DMD: variants seen among roughly 807,000 people sequenced by gnomAD.
DMD encodes the protein dystrophin.
Under a neutral mutation model 330.1 loss-of-function variants are expected in DMD, and 63 were observed. The ratio of observed to expected loss-of-function variants is 0.19; its 90% CI spans 0.16 to 0.24. The LOEUF is 0.24. Ranked by LOEUF, DMD falls within the 10% of genes least tolerant of loss-of-function variation. The pLI is 1.00. For synonymous variants in DMD, 1,223 were observed against 959.8 expected, an observed-to-expected ratio of 1.27 and a Z score of -5.07; for missense variants, 3,344 against 2,684.1, an observed-to-expected ratio of 1.25 and a Z score of -5.43.
chrX:33,087,198 TG>T (rs2095021105), intron 1 of DMD, among the ~76,000 whole-genome samples: 2 of 111,920 alleles, frequency 1.8e-5, no homozygotes, highest in Non-Finnish European at 3.8e-5. Flanking sequence ...AGGATTCCTG[TG>T]TAATTGCTAA....
intron 1 of DMD, among the ~76,000 whole-genome samples, chrX:33,024,361 TAA>T (rs1016529269): frequency 1.8e-5 from 2 of 112,303 alleles, no homozygotes; most frequent in African/African-American, 6.5e-5. Context: ...TGCATATTAA[TAA>T]GAGAGGCAAA....
intron 11 of DMD, among the ~76,000 whole-genome samples, chrX:32,628,399 A>C (rs1448858756): frequency 1.0e-5 from 1 of 100,486 alleles, no homozygotes; most frequent in Non-Finnish European, 2.0e-5. Context: ...GTTGTAAGTG[A>C]CTGGATCTCA....
intron 1 of DMD, among the ~76,000 whole-genome samples, chrX:33,319,063 C>T (rs935000022): frequency 1.8e-5 from 2 of 108,599 alleles, no homozygotes; most frequent in Non-Finnish European, 3.8e-5. Flanking sequence ...AGAGCCAGCT[C>T]GCCTCTTCAT....
chrX:32,056,395 A>G (rs1474063638), intron 44 of DMD, among the ~76,000 whole-genome samples: 3 of 107,618 alleles, frequency 2.8e-5, no homozygotes, highest in Non-Finnish European at 5.8e-5. Context: ...TTAAGTAAAA[A>G]AAAAAAAAAA....
chrX:31,258,645 C>A (rs917234416), intron 63 of DMD, among the ~76,000 whole-genome samples: 1 of 111,779 alleles, frequency 8.9e-6, no homozygotes, highest in African/African-American at 3.3e-5. Context: ...AAATCCCCTG[C>A]AACTGTAAAA....
intron 41 of DMD, among the ~76,000 whole-genome samples, chrX:32,313,193 T>C (rs899322851): frequency 9.1e-6 from 1 of 110,434 alleles, no homozygotes; most frequent in African/African-American, 3.3e-5. Flanking sequence ...TTAAAAAGCA[T>C]ATCCATCACA....
chrX:32,914,844 G>T (rs1231293685), intron 2 of DMD, among the ~76,000 whole-genome samples: 1 of 111,874 alleles, frequency 8.9e-6, no homozygotes, highest in Non-Finnish European at 1.9e-5. Flanking sequence ...GTGTCATACA[G>T]TAAATATTTT....
rs139603242 is a variant in DMD at position 31,640,929 on chromosome X, C to T, written c.8028-13067G>A. Among the ~76,000 whole-genome samples, 984 of 111,802 alleles carry T rather than the reference C, an allele frequency of 8.8e-3. 4 individuals are homozygous for T. The highest frequency in any genetic ancestry group is 0.013 in the Non-Finnish European group (685 of 53,181). On this transcript the variant is annotated intron_variant, in intron 54 of 78. Transcript: ENST00000357033. ...TTGCTCAGATAACAGTGTCCTTATG[C>T]GCTGTCTTCTAAGCGGATGACAGTG...
intron 54 of DMD, among the ~76,000 whole-genome samples, chrX:31,634,756 T>G (rs909526767): frequency 1.8e-5 from 2 of 111,278 alleles, no homozygotes; most frequent in Admixed American, 1.9e-4. Context: ...AGTACTTTCC[T>G]GAAAAGACCT....
At chrX:32,101,840 G>T (rs2096541136) in intron 44 of DMD, among the ~76,000 whole-genome samples, 2 of 111,285 alleles carry the variant, frequency 1.8e-5, no homozygotes, top group South Asian at 7.6e-4. Context: ...CCGGGAGATT[G>T]TGCCTTTAAG....
At chrX:31,334,923 T>C (rs2057340214) in intron 61 of DMD, among the ~76,000 whole-genome samples, 1 of 111,737 alleles carries the variant, frequency 8.9e-6, no homozygotes, top group Non-Finnish European at 1.9e-5. Context: ...TTACTTTTAC[T>C]GTTTCCTCCA....
intron 2 of DMD, among the ~76,000 whole-genome samples, chrX:33,000,654 G>A (rs780513785): frequency 2.8e-4 from 31 of 112,155 alleles, no homozygotes; most frequent in African/African-American, 9.4e-4. Flanking sequence ...TGCTGGAAGT[G>A]TAAAATTCAC....
intron 2 of DMD, chrX:32,960,277 C>T (rs1264936034): frequency 1.8e-5 from 2 of 111,222 alleles, no homozygotes; most frequent in East Asian, 2.8e-4. Flanking sequence ...AGACGCTCCC[C>T]TTGACCAAAC....
At chrX:32,575,370 T>C (rs1287732689) in intron 13 of DMD, among the ~76,000 whole-genome samples, 1 of 112,549 alleles carries the variant, frequency 8.9e-6, no homozygotes, top group African/African-American at 3.2e-5. Context: ...AGTTTTCAGT[T>C]TTTCTTCATA....
chrX:31,991,800 T>C (rs988315942), intron 44 of DMD, among the ~76,000 whole-genome samples: 7 of 109,140 alleles, frequency 6.4e-5, no homozygotes, highest in African/African-American at 2.0e-4. Flanking sequence ...CGCAGTGGTA[T>C]TGAACAAGAT....
At chrX:32,365,300 T>A in intron 34 of DMD, 101 bp from the exon 35 acceptor site, 1 of 808,823 alleles carries the variant, frequency 1.2e-6, no homozygotes, top group Middle Eastern at 2.9e-4. Flanking sequence ...TTCTGCAAGG[T>A]TTTAAACCTA....
chrX:32,218,992 A>G (rs1271491003), intron 43 of DMD, among the ~76,000 whole-genome samples: 1 of 112,080 alleles, frequency 8.9e-6, no homozygotes, highest in Non-Finnish European at 1.9e-5. Flanking sequence ...ATCTACATGT[A>G]CATTGCACTC....
chrX:31,815,720 C>T (rs1024061832), intron 50 of DMD, among the ~76,000 whole-genome samples: 1 of 111,682 alleles, frequency 9.0e-6, no homozygotes. Context: ...TGTGGCATCT[C>T]CTCCTTTCAC....
intron 44 of DMD, among the ~76,000 whole-genome samples, chrX:32,207,378 T>A (rs1445818440): frequency 9.0e-6 from 1 of 111,561 alleles, no homozygotes; most frequent in Non-Finnish European, 1.9e-5. Flanking sequence ...CGCCAGAGGC[T>A]GACACCTTAA....
Sources: allele counts gnomAD v4.1 joint callset (sites outside exome capture counted in the v4.1 genomes callset), GRCh38; gene constraint gnomAD v4.1.1; transcripts MANE v1.5; gene names NCBI Gene and HGNC (gene_info 2026-07-23, HGNC 2026-07-21).